Variants in LYPD6 observed in about 807,000 individuals in gnomAD.
LYPD6 encodes the protein ly6/PLAUR domain-containing protein 6.
Under a neutral mutation model 22.7 loss-of-function variants are expected in LYPD6, and 15 were observed. The ratio of observed to expected loss-of-function variants is 0.66; its 90% confidence interval spans 0.44 to 1.02. The LOEUF is 1.02. Ranked by LOEUF, LYPD6 falls within the 50% of genes least tolerant of loss-of-function variation. The probability of loss-of-function intolerance (pLI) is 0.00; values close to 1 mark genes in which losing one functional copy is unlikely to be tolerated. For missense variants in LYPD6, 189 were observed against 208.4 expected, an observed-to-expected ratio of 0.91 and a Z score of 0.57; for synonymous variants, 72 against 77.5, an observed-to-expected ratio of 0.93 and a Z score of 0.37.
At position 149,368,008 on chromosome 2, in the gene LYPD6, C is replaced by T. The variant is rs186119160; in HGVS notation, c.-72+37286C>T. On this transcript the variant is annotated intron_variant, in intron 1 of 4. Transcript: ENST00000334166. ...GTGAATATAAGTAGAAGAAAGACACCGTCTCTTCCTTTAAGGAACTTACAG... is the reference window on the plus strand; with the variant it reads ...GTGAATATAAGTAGAAGAAAGACACTGTCTCTTCCTTTAAGGAACTTACAG... 25 of 152,214 alleles carry T rather than the reference C, an allele frequency of 1.6e-4. 1 individual carries two copies. Among genetic ancestry groups the T allele is most frequent in the Admixed American group, 7.8e-4 (12 of 15,298 alleles). 9.4% of individuals were successfully genotyped at this position (152,214 alleles called of 1,614,324 possible). A position where few individuals can be genotyped will look rare whatever the true frequency, so the allele number is the denominator to read the frequency against.
chr2:149,393,348 C>G (rs903010820), intron 1 of LYPD6, among the ~76,000 whole-genome samples: 1 of 152,164 alleles, frequency 6.6e-6, no homozygotes, highest in Non-Finnish European at 1.5e-5. Context: ...GGCAGCCAGG[C>G]AACTGAGGTC....
intron 1 of LYPD6, among the ~76,000 whole-genome samples, chr2:149,427,392 C>T (rs1219991684): frequency 6.6e-6 from 1 of 152,144 alleles, no homozygotes; most frequent in South Asian, 2.1e-4. Context: ...CAGACCACCA[C>T]CCCCTCCCAA....
At chr2:149,347,402 G>A (rs1681278143) in intron 1 of LYPD6, among the ~76,000 whole-genome samples, 1 of 152,088 alleles carries the variant, frequency 6.6e-6, no homozygotes, top group Non-Finnish European at 1.5e-5. Context: ...AGGTTGGGCA[G>A]GGAACAGGCT....
intron 1 of LYPD6, among the ~76,000 whole-genome samples, chr2:149,428,318 C>A (rs562709549): frequency 6.6e-6 from 1 of 152,228 alleles, no homozygotes; most frequent in Non-Finnish European, 1.5e-5. Flanking sequence ...CTAGCTTGGG[C>A]AAAGGGAGAT....
At chr2:149,443,182 A>G (rs775016516) in intron 2 of LYPD6, among the ~76,000 whole-genome samples, 32 of 152,206 alleles carry the variant, frequency 2.1e-4, no homozygotes, top group Admixed American at 3.3e-4. Context: ...AAAGTCTATT[A>G]AGTAATTCAA....
intron 1 of LYPD6, among the ~76,000 whole-genome samples, chr2:149,375,440 C>T (rs1681896442): frequency 6.6e-6 from 1 of 152,096 alleles, no homozygotes; most frequent in South Asian, 2.1e-4. Context: ...TGAATGGGCA[C>T]TGATGTGGTC....
chr2:149,389,034 G>T (rs1408383567), intron 1 of LYPD6, among the ~76,000 whole-genome samples: 1 of 152,054 alleles, frequency 6.6e-6, no homozygotes, highest in Non-Finnish European at 1.5e-5. Flanking sequence ...GTCAGATCAG[G>T]TTACAGCATA....
At chr2:149,373,404 T>C (rs1419050188) in intron 1 of LYPD6, among the ~76,000 whole-genome samples, 1 of 152,118 alleles carries the variant, frequency 6.6e-6, no homozygotes, top group African/African-American at 2.4e-5. Flanking sequence ...GAAATCACTT[T>C]GGGAGAGAGC....
At chr2:149,463,134 T>A (rs1475602475) in intron 3 of LYPD6, among the ~76,000 whole-genome samples, 1 of 152,016 alleles carries the variant, frequency 6.6e-6, no homozygotes, top group Non-Finnish European at 1.5e-5. Context: ...TATTTGCAAA[T>A]CACATATCTG....
intron 2 of LYPD6, among the ~76,000 whole-genome samples, chr2:149,441,362 G>T (rs1283319565): frequency 3.3e-5 from 5 of 152,154 alleles, no homozygotes; most frequent in African/African-American, 4.8e-5. Flanking sequence ...TGATGCTGGA[G>T]ATATGAGAAG....
chr2:149,336,601 CCT>C (rs1373669344), intron 1 of LYPD6, among the ~76,000 whole-genome samples: 9 of 151,692 alleles, frequency 5.9e-5, no homozygotes, highest in Admixed American at 5.9e-4. Flanking sequence ...ATAAATAAAC[CCT>C]CTCTATTTGT....
intron 3 of LYPD6, among the ~76,000 whole-genome samples, chr2:149,453,317 G>T (rs1227508385): frequency 6.6e-6 from 1 of 152,158 alleles, no homozygotes; most frequent in African/African-American, 2.4e-5. Flanking sequence ...ATCCTAGAGA[G>T]AGGGACTGTA....
intron 1 of LYPD6, among the ~76,000 whole-genome samples, chr2:149,378,169 T>TGTA (rs1681973007): frequency 6.6e-6 from 1 of 152,160 alleles, no homozygotes; most frequent in South Asian, 2.1e-4. Flanking sequence ...CAGGCTGGAA[T>TGTA]GTAGTAGCAC....
At chr2:149,417,283 A>G (rs1682985490) in intron 1 of LYPD6, among the ~76,000 whole-genome samples, 1 of 152,226 alleles carries the variant, frequency 6.6e-6, no homozygotes, top group South Asian at 2.1e-4. Context: ...GGCTCGCCAT[A>G]AGCTCTATAC....
chr2:149,413,182 T>G (rs1682890209), intron 1 of LYPD6, among the ~76,000 whole-genome samples: 1 of 152,144 alleles, frequency 6.6e-6, no homozygotes, highest in Admixed American at 6.6e-5. Context: ...AGTCCCGAAC[T>G]GGGTCCTCCA....
intron 3 of LYPD6, among the ~76,000 whole-genome samples, chr2:149,452,209 A>G (rs911009838): frequency 1.1e-4 from 16 of 152,174 alleles, no homozygotes; most frequent in African/African-American, 3.6e-4. Flanking sequence ...TTAGGGACCC[A>G]AAATAGTGGA....
intron 1 of LYPD6, among the ~76,000 whole-genome samples, chr2:149,351,954 G>A (rs1038119160): frequency 6.6e-6 from 1 of 152,022 alleles, no homozygotes; most frequent in Admixed American, 6.5e-5. Flanking sequence ...TGCTGCTGTG[G>A]TGAGCTGCCC....
At chr2:149,349,457 C>T (rs1681320608) in intron 1 of LYPD6, among the ~76,000 whole-genome samples, 1 of 151,996 alleles carries the variant, frequency 6.6e-6, no homozygotes, top group Non-Finnish European at 1.5e-5. Flanking sequence ...GAGGAGAGGG[C>T]ATTTTGGTTA....
chr2:149,355,423 C>G (rs1375667590), intron 1 of LYPD6, among the ~76,000 whole-genome samples: 2 of 152,182 alleles, frequency 1.3e-5, no homozygotes, highest in Non-Finnish European at 1.5e-5. Context: ...CAGAGTCTTG[C>G]ATACACTTTT....
Sources: gnomAD v4.1 joint callset for allele counts (sites outside exome capture counted in the v4.1 genomes callset) on GRCh38, gnomAD v4.1.1 for gene constraint, MANE v1.5 for transcripts, NCBI Gene and HGNC (gene_info 2026-07-23, HGNC 2026-07-21) for gene names.